The following AGTPBP1 variants were observed in gnomAD, a reference collection of about 807,000 sequenced individuals.
AGTPBP1 encodes the protein ATP/GTP binding carboxypeptidase 1, also known as cytosolic carboxypeptidase 1.
AGTPBP1 carries 70 observed loss-of-function variants against 143.9 expected under a neutral mutation model. That is an observed-to-expected ratio of 0.49 (90% CI 0.40 to 0.59). The LOEUF is 0.59. Ranked by LOEUF, AGTPBP1 falls within the 20% of genes least tolerant of loss-of-function variation. AGTPBP1 has a pLI of 0.00. For missense variants in AGTPBP1, 1,229 were observed against 1,464.5 expected (o/e 0.84, Z 2.62); for synonymous variants, 463 against 500.2 (o/e 0.93, Z 0.99).
intron 11 of AGTPBP1, among the ~76,000 whole-genome samples, chr9:85,651,773 T>TGCA (rs941244202): frequency 6.6e-6 from 1 of 152,244 alleles, no homozygotes; most frequent in Non-Finnish European, 1.5e-5. Context: ...TCTCCATAGA[T>TGCA]GCAGCATTTA....
At chr9:85,605,591 A>G (rs924398732) in intron 17 of AGTPBP1, among the ~76,000 whole-genome samples, 1 of 152,162 alleles carries the variant, frequency 6.6e-6, no homozygotes, top group African/African-American at 2.4e-5. Context: ...ACAGAAATAC[A>G]CAGAATATTA....
chr9:85,791,074 A>C, the AGTPBP1 span, among the ~76,000 whole-genome samples: 10 of 152,298 alleles, frequency 6.6e-5, no homozygotes, highest in South Asian at 1.7e-3. Context: ...CAGTGTGGTA[A>C]ATATTGTTAG....
the AGTPBP1 span, among the ~76,000 whole-genome samples, chr9:85,778,417 G>A: frequency 0.017 from 2,569 of 152,246 alleles, 73 homozygotes; most frequent in African/African-American, 0.058. Context: ...TCACCTATGG[G>A]GGTCTGCGAG....
At chr9:85,591,496 T>A (rs1828966013) in intron 19 of AGTPBP1, among the ~76,000 whole-genome samples, 2 of 151,892 alleles carry the variant, frequency 1.3e-5, no homozygotes. Flanking sequence ...AGCAGGAGAA[T>A]TCAAAATATA....
intron 25 of AGTPBP1, among the ~76,000 whole-genome samples, chr9:85,569,964 A>G (rs1292503299): frequency 6.6e-6 from 1 of 152,188 alleles, no homozygotes; most frequent in Non-Finnish European, 1.5e-5. Context: ...AACTTTTCTA[A>G]GCTCCAGATA....
chr9:85,578,968 A>T lies in AGTPBP1; in HGVS notation c.3294T>A (p.Ser1098Arg). The T allele has an allele frequency of 6.2e-7, 1 of 1,613,430 alleles. No homozygotes were observed. Among genetic ancestry groups the T allele is most frequent in the Non-Finnish European group, 8.5e-7 (1 of 1,179,774 alleles). The change falls in exon 24 of 26, where the codon AGT becomes AGA. Residue 1098 changes from serine (S) to arginine (R), a missense_variant. Transcript: ENST00000357081. ...VVWREIGVQRSYTMESTLCGC... is the reference protein window; with the variant it reads ...VVWREIGVQRRYTMESTLCGC... ...CACATAAAGTACTCTCCATGGTATA[A>T]CTTCTTTGTACTCCTATTTCCCTCC...
chr9:85,622,916 T>C (rs181533479), intron 14 of AGTPBP1, among the ~76,000 whole-genome samples: 61 of 152,322 alleles, frequency 4.0e-4, no homozygotes, highest in African/African-American at 1.5e-3. Flanking sequence ...ATAATTTATT[T>C]AATTAATAAG....
intron 3 of AGTPBP1, among the ~76,000 whole-genome samples, chr9:85,681,757 T>TC (rs936033186): frequency 1.4e-5 from 2 of 147,140 alleles, no homozygotes; most frequent in African/African-American, 2.5e-5. Context: ...TTTTTTTTTT[T>TC]TTTTTTTTTT....
At chr9:85,592,254 G>C (rs1232879783) in intron 19 of AGTPBP1, among the ~76,000 whole-genome samples, 2 of 151,444 alleles carry the variant, frequency 1.3e-5, no homozygotes, top group Non-Finnish European at 2.9e-5. Flanking sequence ...TCATGTCAAA[G>C]TTTCTTAATA....
At chr9:85,551,361 A>G (rs1172767399) in intron 25 of AGTPBP1, among the ~76,000 whole-genome samples, 1 of 152,144 alleles carries the variant, frequency 6.6e-6, no homozygotes, top group African/African-American at 2.4e-5. Flanking sequence ...TTCATCCTTA[A>G]AGCTCATCTT....
the AGTPBP1 span, among the ~76,000 whole-genome samples, chr9:85,748,212 C>T: frequency 2.0e-5 from 3 of 152,222 alleles, no homozygotes; most frequent in Non-Finnish European, 2.9e-5. Context: ...GTGCATCCAG[C>T]ACAGTTCAGC....
chr9:85,784,847 G>A, the AGTPBP1 span, among the ~76,000 whole-genome samples: 1 of 152,210 alleles, frequency 6.6e-6, no homozygotes, highest in Non-Finnish European at 1.5e-5. Flanking sequence ...TCCAGCTGCT[G>A]TTGCAATTCA....
intron 17 of AGTPBP1, among the ~76,000 whole-genome samples, chr9:85,611,155 CTT>C (rs56023115): frequency 0.2 from 22,207 of 113,298 alleles, 1,794 homozygotes; most frequent in East Asian, 0.47. Context: ...AGGGGCTTTT[CTT>C]TTTTTTTTTT....
intron 14 of AGTPBP1, among the ~76,000 whole-genome samples, chr9:85,629,645 A>G (rs1831529481): frequency 6.6e-6 from 1 of 152,344 alleles, no homozygotes; most frequent in Admixed American, 6.5e-5. Context: ...CAGCTAGTCA[A>G]AGTCATCATG....
At chr9:85,601,280 C>CT in intron 17 of AGTPBP1, among the ~76,000 whole-genome samples, 1 of 152,288 alleles carries the variant, frequency 6.6e-6, no homozygotes, top group Admixed American at 6.5e-5. Context: ...CTCAAACACT[C>CT]TAAGGGGAGC....
intron 8 of AGTPBP1, among the ~76,000 whole-genome samples, 196 bp from the exon 9 acceptor site, chr9:85,661,169 T>G (rs775884234): frequency 1.3e-5 from 2 of 152,028 alleles, no homozygotes; most frequent in Non-Finnish European, 2.9e-5. Context: ...ATGAAAAAGA[T>G]TGAAATATCA....
At chr9:85,678,546 G>A (rs541449193) in intron 4 of AGTPBP1, 148 bp from the exon 5 acceptor site, 22 of 435,848 alleles carry the variant, frequency 5.0e-5, no homozygotes, top group African/African-American at 8.1e-5. Flanking sequence ...TATCATTTCC[G>A]TCTGTTTCCT....
At chr9:85,734,721 G>A (rs1048305223) in intron 1 of AGTPBP1, among the ~76,000 whole-genome samples, 2 of 152,148 alleles carry the variant, frequency 1.3e-5, no homozygotes, top group East Asian at 3.8e-4. Context: ...ATTAAAAATA[G>A]AATTACCATA....
chr9:85,779,236 G>GATATAGATATAGATATAA, the AGTPBP1 span, among the ~76,000 whole-genome samples: 12 of 84,942 alleles, frequency 1.4e-4, no homozygotes, highest in Admixed American at 1.4e-3. Context: ...TATAGATATA[G>GATATAGATATAGATATAA]ATATAGATAT....
Sources: gnomAD v4.1 joint callset for allele counts (sites outside exome capture counted in the v4.1 genomes callset) on GRCh38, gnomAD v4.1.1 for gene constraint, MANE v1.5 for transcripts, NCBI Gene and HGNC (gene_info 2026-07-23, HGNC 2026-07-21) for gene names.